ATF6: variants seen among roughly 807,000 people sequenced by gnomAD.
ATF6 encodes activating transcription factor 6, also known as cyclic AMP-dependent transcription factor ATF-6 alpha.
In ATF6, 53 loss-of-function variants were observed where a neutral mutation model predicts 83.6. The ratio of observed to expected loss-of-function variants is 0.63; its 90% CI spans 0.51 to 0.80. ATF6 has a LOEUF of 0.80. Among genes scored for constraint, ATF6 ranks in the 30% least tolerant of loss-of-function variants. The probability of loss-of-function intolerance (pLI) is 0.00; values close to 1 mark genes in which losing one functional copy is unlikely to be tolerated. For synonymous variants in ATF6, 288 were observed against 285.8 expected (o/e 1.01, Z -0.08); for missense variants, 744 against 797.9 (o/e 0.93, Z 0.81).
intron 1 of ATF6, among the ~76,000 whole-genome samples, 177 bp downstream of exon 1, chr1:161,766,619 T>C (rs965627029): frequency 2.0e-5 from 3 of 152,180 alleles, no homozygotes; most frequent in African/African-American, 7.2e-5. Flanking sequence ...TCGGCTTCTG[T>C]CCTGGCCACA....
intron 15 of ATF6, among the ~76,000 whole-genome samples, chr1:161,913,763 T>C (rs988087899): frequency 4.6e-5 from 7 of 152,178 alleles, no homozygotes; most frequent in Non-Finnish European, 8.8e-5. Context: ...ACTCAATCTA[T>C]AGGTACCTAA....
chr1:161,792,370 G>A, intron 6 of ATF6, 43 bp downstream of exon 6: 2 of 1,545,986 alleles, frequency 1.3e-6, no homozygotes, highest in Non-Finnish European at 1.8e-6. Context: ...TATTTGGAGG[G>A]CAGTAAGGGT....
chr1:161,876,789 A>G (rs769809171), intron 14 of ATF6, among the ~76,000 whole-genome samples: 3 of 152,030 alleles, frequency 2.0e-5, no homozygotes, highest in Non-Finnish European at 4.4e-5. Context: ...ATTCTCAAAT[A>G]TATCAGTTTT....
intron 15 of ATF6, among the ~76,000 whole-genome samples, chr1:161,925,578 A>G (rs776503092): frequency 6.6e-6 from 1 of 152,172 alleles, no homozygotes; most frequent in Admixed American, 6.6e-5. Flanking sequence ...TGTAACATTC[A>G]TCTTACTTGT....
At chr1:161,844,094 A>G (rs1004504587) in intron 9 of ATF6, among the ~76,000 whole-genome samples, 25 of 152,368 alleles carry the variant, frequency 1.6e-4, no homozygotes, top group African/African-American at 5.8e-4. Context: ...AGGAAAGCCT[A>G]TGCGATATTA....
At chr1:161,852,212 T>G (rs927266201) in intron 11 of ATF6, among the ~76,000 whole-genome samples, 2 of 152,226 alleles carry the variant, frequency 1.3e-5, no homozygotes, top group Non-Finnish European at 2.9e-5. Context: ...TACACACTTC[T>G]TTATCAATTT....
intron 10 of ATF6, among the ~76,000 whole-genome samples, chr1:161,851,267 C>T (rs1686619993): frequency 6.6e-6 from 1 of 150,594 alleles, no homozygotes; most frequent in Admixed American, 6.6e-5. Context: ...CACACACACA[C>T]ACACACACCC....
rs762575047 is a variant in ATF6, at chr1:161,830,157, GACAA to G, written c.1187+9000_1187+9003del. On this transcript the variant is annotated intron_variant, in intron 9 of 15. Transcript: ENST00000367942. The stretch of plus-strand genomic sequence containing the variant: ...CAAGCATTCTTATACACCAATAGCA[GACAA>G]ACAGAGAGCCAAATCATGAGTGAAC... Among the ~76,000 whole-genome samples the G allele has an allele frequency of 1.9e-3, 288 of 152,260 alleles. 2 individuals carry two copies. Among genetic ancestry groups the G allele is most frequent in the Middle Eastern group, 0.014 (4 of 294 alleles).
chr1:161,867,549 T>C (rs1687033590), intron 14 of ATF6, among the ~76,000 whole-genome samples: 1 of 152,198 alleles, frequency 6.6e-6, no homozygotes, highest in Admixed American at 6.5e-5. Flanking sequence ...TCCACTAATA[T>C]ATAAGGAAAG....
intron 9 of ATF6, among the ~76,000 whole-genome samples, chr1:161,844,703 G>GAAAGAA (rs1686441292): frequency 6.6e-6 from 1 of 152,052 alleles, no homozygotes; most frequent in African/African-American, 2.4e-5. Flanking sequence ...CACCATGCTT[G>GAAAGAA]AAAGAAAAAG....
chr1:161,832,400 C>G (rs944643989), intron 9 of ATF6, among the ~76,000 whole-genome samples: 1 of 152,122 alleles, frequency 6.6e-6, no homozygotes, highest in Admixed American at 6.5e-5. Flanking sequence ...GAGTGCCAGA[C>G]AGTGGGTGCA....
At chr1:161,923,468 C>T (rs1688254527) in intron 15 of ATF6, among the ~76,000 whole-genome samples, 1 of 152,064 alleles carries the variant, frequency 6.6e-6, no homozygotes, top group Admixed American at 6.5e-5. Flanking sequence ...TAGATTTTCT[C>T]CCACTTAGCA....
chr1:161,937,632 AC>A (rs1442615235), intron 15 of ATF6, among the ~76,000 whole-genome samples: 2 of 151,342 alleles, frequency 1.3e-5, no homozygotes, highest in Non-Finnish European at 2.9e-5. Flanking sequence ...CAGCAAACTA[AC>A]CCAGGAACAG....
chr1:161,864,554 T>C (rs192736247), intron 14 of ATF6, among the ~76,000 whole-genome samples: 1 of 152,356 alleles, frequency 6.6e-6, no homozygotes, highest in Admixed American at 6.5e-5. Flanking sequence ...CTCAGGTTTT[T>C]AGGACCAGAG....
At chr1:161,892,393 GA>G (rs1226030513) in intron 14 of ATF6, among the ~76,000 whole-genome samples, 10 of 152,132 alleles carry the variant, frequency 6.6e-5, no homozygotes, top group Non-Finnish European at 7.4e-5. Flanking sequence ...GGAATCTGTG[GA>G]AAATGACTTC....
At chr1:161,804,326 A>C (rs914811256) in intron 7 of ATF6, among the ~76,000 whole-genome samples, 1 of 152,172 alleles carries the variant, frequency 6.6e-6, no homozygotes, top group African/African-American at 2.4e-5. Context: ...ACATAGGTCA[A>C]CAGTATATCA....
chr1:161,957,660 G>C (rs564803548), intron 15 of ATF6, among the ~76,000 whole-genome samples: 1 of 152,252 alleles, frequency 6.6e-6, no homozygotes, highest in South Asian at 2.1e-4. Flanking sequence ...CCCATATGTA[G>C]AAAGCATGAC....
chr1:161,895,446 A>C (rs1479163449), intron 14 of ATF6, among the ~76,000 whole-genome samples: 1 of 152,244 alleles, frequency 6.6e-6, no homozygotes, highest in East Asian at 1.9e-4. Context: ...GAGGATAAAC[A>C]TCTGCATTTA....
intron 14 of ATF6, 96 bp from the exon 15 acceptor site, chr1:161,912,200 C>A: frequency 3.1e-6 from 2 of 650,868 alleles, no homozygotes; most frequent in South Asian, 2.9e-5. Flanking sequence ...TTTCATCATC[C>A]CAACGAAATA....
Sources: allele counts gnomAD v4.1 joint callset (sites outside exome capture counted in the v4.1 genomes callset), GRCh38; gene constraint gnomAD v4.1.1; transcripts MANE v1.5; gene names NCBI Gene and HGNC (gene_info 2026-07-23, HGNC 2026-07-21).